Variants in GEMIN4 observed in about 807,000 individuals in gnomAD.
The protein encoded by GEMIN4 is gem-associated protein 4.
Under a neutral mutation model 76.8 loss-of-function variants are expected in GEMIN4, and 59 were observed. That is an observed-to-expected ratio of 0.77 (90% CI 0.62 to 0.95). The LOEUF (loss-of-function observed/expected upper bound fraction) is 0.95, where lower values mean the gene tolerates loss of function less well. GEMIN4 is among the 40% of genes least tolerant of loss of function. The pLI is 0.00. For synonymous variants in GEMIN4, 562 were observed against 559.7 expected (o/e 1.00, Z -0.06); for missense variants, 1,311 against 1,318.9 (o/e 0.99, Z 0.09).
In GEMIN4 at chr17:752,223, A is replaced by C. The variant is rs959485794; in HGVS notation, c.-81T>G. On this transcript the variant is annotated 5_prime_UTR_variant, in exon 1 of 2. Coordinates refer to ENST00000319004, the MANE Select transcript of GEMIN4 (RefSeq NM_015721.3). The stretch of plus-strand genomic sequence containing the variant: ...AACGCGGCGCGGGACGCACGGCACG[A>C]TGGGAGACGCAGGAGCCACGGCGGC... 1 of 1,229,306 alleles carries C rather than the reference A, an allele frequency of 8.1e-7. No homozygotes were observed. Among genetic ancestry groups the C allele is most frequent in the Non-Finnish European group, 1.0e-6 (1 of 985,840 alleles). The allele number at this position is 1,229,306 out of a possible 1,614,324, so 76.1% of individuals were successfully genotyped here. A position where few individuals can be genotyped will look rare whatever the true frequency, so the allele number is the denominator to read the frequency against.
Position 745,369 on chromosome 17 carries a change from C to G in GEMIN4, c.2674G>C (p.Glu892Gln). The change falls in exon 2 of 2, where the codon GAA becomes CAA. Residue 892 changes from glutamate to glutamine, a missense_variant. Glu to Gln is a conservative substitution (Grantham distance 29). Transcript: ENST00000319004. The surrounding 1 kb of genome is among the most constrained non-coding windows in gnomAD (Gnocchi z 4.6). ...AGCAGGGGAACAAACTGAATATATT[C>G]CAGGCTATAAGGGACATGGAGGAGC... ...KQLLHVPYSL[E>Q]YIQFVPLLNL... 3 of 1,613,132 alleles carry G rather than the reference C, an allele frequency of 1.9e-6. No individual in the cohort carries two copies. Among genetic ancestry groups the G allele is most frequent in the Non-Finnish European group, 2.5e-6 (3 of 1,179,878 alleles).
At position 747,845 on chromosome 17, in the gene GEMIN4, C is replaced by T. The variant is rs1266001443; in HGVS notation, c.198G>A (p.Lys66=). 1 of 1,613,796 alleles carries T rather than the reference C, an allele frequency of 6.2e-7. No homozygotes were observed. Among genetic ancestry groups the T allele is most frequent in the Admixed American group, 1.7e-5 (1 of 59,988 alleles). The change falls in exon 2 of 2, where the codon AAG becomes AAA. Residue 66 remains lysine (K), a synonymous_variant. Coordinates refer to ENST00000319004, the MANE Select transcript of GEMIN4 (RefSeq NM_015721.3). ...AAAHSQPFAW[K]KKALIIIWAK... ...CCCAGATGATGATCAGGGCTTTCTT[C>T]TTCCAGGCAAAGGGCTGGGAGTGTG...
Position 747,202 on chromosome 17 carries a change from G to T in GEMIN4, c.841C>A (p.Gln281Lys), listed in dbSNP as rs199856369. 1 of 1,612,944 alleles carries T rather than the reference G, an allele frequency of 6.2e-7. No homozygotes were observed. Among genetic ancestry groups the T allele is most frequent in the African/African-American group, 1.3e-5 (1 of 74,740 alleles). ...TVISVWNSDT[Q>K]NPYHQQALAE... ...AGCGCCTGCTGGTGGTAGGGATTCT[G>T]GGTGTCCGAGTTCCACACAGAGATC... The change falls in exon 2 of 2, where the codon CAG (glutamine) becomes AAG (lysine). Residue 281 changes from glutamine (Q) to lysine (K), a missense_variant. This residue lies in a region of GEMIN4 where 1,208 missense variants were observed against 1,166.9 expected (regional missense o/e 1.04). Transcript: ENST00000319004.
At chr17:749,945 C>G in intron 1 of GEMIN4, 1 of 986,840 alleles carries the variant, frequency 1.0e-6, no homozygotes, top group Non-Finnish European at 1.2e-6. Flanking sequence ...ACAGAAAATA[C>G]TGTGCTAGAT....
chr17:747,282 T>G lies in GEMIN4; in HGVS notation c.761A>C (p.Glu254Ala). Residue 254 changes from glutamate to alanine, a missense_variant, in exon 2 of 2, where the codon GAG becomes GCG. Glu to Ala is a moderately radical substitution (Grantham distance 107). Transcript: ENST00000319004. ...ADMLTVFALT[E>A]DDPQEVSATV... ...TGCAGACACCTCCTGGGGGTCGTCC[T>G]CTGTCAGCGCAAACACAGTCAGCAT... 1 of 1,613,804 alleles carries G rather than the reference T, an allele frequency of 6.2e-7. No homozygotes were observed. The highest frequency in any genetic ancestry group is 1.1e-5 in the South Asian group (1 of 91,084).
chr17:748,088 C>T (rs755974358), intron 1 of GEMIN4, 56 bp from the exon 2 acceptor site: 123 of 1,338,902 alleles, frequency 9.2e-5, no homozygotes, highest in Non-Finnish European at 1.2e-4. Flanking sequence ...CAGATGGCCA[C>T]TGCTGTTAGT....
rs1296062839 is a variant in GEMIN4, at chr17:747,656, C to A, written c.387G>T (p.Leu129=). 2.5e-6 allele frequency: 4 copies of A among 1,613,912 alleles called. No homozygotes were observed. Among genetic ancestry groups the A allele is most frequent in the Non-Finnish European group, 3.4e-6 (4 of 1,179,862 alleles). Residue 129 remains leucine, a synonymous_variant, in exon 2 of 2, where the codon CTG becomes CTT. Transcript: ENST00000319004. Reference sequence around the variant, plus strand: ...GGCAGATGGTGGTGGGCAGGGCCATCAGGAGCTGGATAAAGAGTCCAGAAG... The same window carrying A: ...GGCAGATGGTGGTGGGCAGGGCCATAAGGAGCTGGATAAAGAGTCCAGAAG... ...LEASGLFIQL[L]MALPTTICHA...
chr17:752,685 T>G (rs1904816893), upstream of GEMIN4: 1 of 985,218 alleles, frequency 1.0e-6, no homozygotes, highest in East Asian at 9.3e-5. Context: ...TAGACGCTTT[T>G]TGACGGCTGG....
At position 745,129 on chromosome 17, in the gene GEMIN4, T is replaced by C; in HGVS notation, c.2914A>G (p.Thr972Ala). The C allele has an allele frequency of 6.2e-7, 1 of 1,609,290 alleles. No individual in the cohort carries two copies. Among genetic ancestry groups the C allele is most frequent in the Non-Finnish European group, 8.5e-7 (1 of 1,177,988 alleles). The change falls in exon 2 of 2, where the codon ACC becomes GCC. Residue 972 changes from threonine (T) to alanine (A), a missense_variant. Around this residue, in one of 2 missense-constraint regions of GEMIN4, gnomAD observed 1,208 missense variants for 1,166.9 expected, o/e 1.04. Coordinates refer to ENST00000319004, the MANE Select transcript of GEMIN4 (RefSeq NM_015721.3). This position sits in a 1 kb window ranked among gnomAD's most constrained non-coding sequence, Gnocchi z 4.6. ...PWVQGPEQDL[T>A]QEALFVYTQV... ...GTGTAAACAAACAGGGCTTCCTGGG[T>C]CAGGTCCTGCTCTGGTCCTTGAACC... is the stretch of plus-strand genomic sequence containing the variant.
chr17:749,273 A>G (rs1312705244), intron 1 of GEMIN4: 17 of 190,362 alleles, frequency 8.9e-5, no homozygotes, highest in East Asian at 6.1e-4. Flanking sequence ...CACAGCAGCA[A>G]TCACACGGCC....
chr17:747,375 AG>A lies in GEMIN4; in HGVS notation c.667del (p.Leu223Ter), dbSNP rs1029120839. 1 of 1,613,664 alleles carries A rather than the reference AG, an allele frequency of 6.2e-7. No individual in the cohort carries two copies. The highest frequency in any genetic ancestry group is 1.3e-5 in the African/African-American group (1 of 74,932). ...MPLLAMLLRG[L>X]TQIQSRILGP... ...CAGGATCCGACTCTGGATCTGTGTC[AG>A]CCCGCGGAGCAGCATGGCCAACAGG... On this transcript the variant is annotated frameshift_variant, in exon 2 of 2. Coordinates refer to ENST00000319004, the MANE Select transcript of GEMIN4 (RefSeq NM_015721.3). LOFTEE classifies it high-confidence loss of function.
intron 1 of GEMIN4, chr17:751,837 C>G: frequency 2.7e-6 from 1 of 365,508 alleles, no homozygotes; most frequent in Non-Finnish European, 4.9e-6. Flanking sequence ...GGAGGGAGCC[C>G]GTTTCCCAAA....
At chr17:748,868 A>T (rs371909180) in intron 1 of GEMIN4, 2,029 of 195,492 alleles carry the variant, frequency 0.01, 40 homozygotes, top group African/African-American at 0.048. Context: ...TAATGGGCAC[A>T]GAAGCAATCA....
At position 747,695 on chromosome 17, in the gene GEMIN4, G is replaced by C. The variant is rs778223944; in HGVS notation, c.348C>G (p.Leu116=). 6 of 1,613,884 alleles carry C rather than the reference G, an allele frequency of 3.7e-6. No individual in the cohort carries two copies. The highest frequency in any genetic ancestry group is 5.1e-6 in the Non-Finnish European group (6 of 1,179,866). The change falls in exon 2 of 2, where the codon CTC becomes CTG. Residue 116 remains leucine, a synonymous_variant. Coordinates refer to ENST00000319004, the MANE Select transcript of GEMIN4 (RefSeq NM_015721.3). ...AGAGTCCAGAAGCTTCCAGGGATTT[G>C]AGCAGCTCGAAGAGGATGGTGTGGT... ...TINHTILFEL[L]KSLEASGLFI...
In GEMIN4 at chr17:752,197, G is replaced by T. The variant is rs1034820408; in HGVS notation, c.-55C>A. On this transcript the variant is annotated 5_prime_UTR_variant, in exon 1 of 2. Coordinates refer to ENST00000319004, the MANE Select transcript of GEMIN4 (RefSeq NM_015721.3). ...AACGCCCCCTCCCCTCCGAGAACTC[G>T]AACGCGGCGCGGGACGCACGGCACG... is the stretch of plus-strand genomic sequence containing the variant. The T allele has an allele frequency of 1.1e-5, 14 of 1,231,616 alleles. No homozygotes were observed. In the African/African-American group the frequency reaches 1.9e-4, roughly 16 times the overall value. 76.3% of individuals were successfully genotyped at this position (1,231,616 alleles called of 1,614,324 possible).
Position 745,219 on chromosome 17 carries a change from G to C in GEMIN4, c.2824C>G (p.Leu942Val). 2.5e-6 allele frequency: 4 copies of C among 1,609,116 alleles called. No individual in the cohort carries two copies. Among genetic ancestry groups the C allele is most frequent in the Non-Finnish European group, 3.4e-6 (4 of 1,178,114 alleles). ...AGGCGGGTCAGACTGCCACAGAGGA[G>C]TTTGACCACGTGGTTCCAGCCTTCC... is the stretch of plus-strand genomic sequence containing the variant. The part of the protein sequence containing the change: ...PLEGWNHVVK[L>V]LCGSLTRLLD... Residue 942 changes from leucine (L) to valine (V), a missense_variant, in exon 2 of 2, where the codon CTC becomes GTC. Leu to Val is a conservative substitution (Grantham distance 32). This residue lies in a region of GEMIN4 where 1,208 missense variants were observed against 1,166.9 expected (regional missense o/e 1.04). Coordinates refer to ENST00000319004, the MANE Select transcript of GEMIN4 (RefSeq NM_015721.3). This position sits in a 1 kb window ranked among gnomAD's most constrained non-coding sequence, Gnocchi z 4.6.
rs1904529076 is a variant in GEMIN4, at chr17:749,528, T to C, written c.11-1496A>G. Among the ~76,000 whole-genome samples, 11 of 132,738 alleles carry C rather than the reference T, an allele frequency of 8.3e-5. No homozygotes were observed. The Admixed American group carries it at 8.7e-4, about 11-fold the overall frequency. The allele number at this position is 132,738 out of a possible 152,430, so 87.1% of individuals were successfully genotyped here. On this transcript the variant is annotated intron_variant, in intron 1 of 1. Transcript: ENST00000319004. ...GAGCAATCACACAGCCACAGGATAA[T>C]GGGCACAGCAGCAATCACACAGCCA...
At position 746,266 on chromosome 17, in the gene GEMIN4, C is replaced by T. The variant is rs759844591; in HGVS notation, c.1777G>A (p.Glu593Lys). 1.1e-5 allele frequency: 17 copies of T among 1,613,658 alleles called. No individual in the cohort carries two copies. The African/African-American group carries it at 2.0e-4, about 19-fold the overall frequency. Reference protein sequence around the residue: ...TAFPALRFVEEQGPNSSATFM... With the variant: ...TAFPALRFVEKQGPNSSATFM... ...GTGGCAGATGAATTGGGACCCTGCT[C>T]TTCCACAAACCTAAGGGCAGGGAAG... Residue 593 changes from glutamate to lysine, a missense_variant, in exon 2 of 2, where the codon GAG becomes AAG. Coordinates refer to ENST00000319004, the MANE Select transcript of GEMIN4 (RefSeq NM_015721.3). The surrounding 1 kb of genome is among the most constrained non-coding windows in gnomAD (Gnocchi z 4.3).
Position 747,208 on chromosome 17 carries a change from C to T in GEMIN4, c.835G>A (p.Asp279Asn). 6.2e-7 allele frequency: 1 copy of T among 1,613,792 alleles called. No individual in the cohort carries two copies. Among genetic ancestry groups the T allele is most frequent in the Non-Finnish European group, 8.5e-7 (1 of 1,179,870 alleles). The change falls in exon 2 of 2, where the codon GAC (aspartate) becomes AAC (asparagine). Residue 279 changes from aspartate (D) to asparagine (N), a missense_variant. By Grantham distance (23) the Asp-to-Asn change is conservative. Coordinates refer to ENST00000319004, the MANE Select transcript of GEMIN4 (RefSeq NM_015721.3). Reference protein sequence around the residue: ...LATVISVWNSDTQNPYHQQAL... With the variant: ...LATVISVWNSNTQNPYHQQAL... ...TGCTGGTGGTAGGGATTCTGGGTGT[C>T]CGAGTTCCACACAGAGATCACCGTG...
Sources: gnomAD v4.1 joint callset for allele counts (sites outside exome capture counted in the v4.1 genomes callset) on GRCh38, gnomAD v4.1.1 for gene constraint, gnomAD v4.1.1 regional missense constraint, Gnocchi (gnomAD v3.1) non-coding constraint, MANE v1.5 for transcripts, NCBI Gene and HGNC (gene_info 2026-07-23, HGNC 2026-07-21) for gene names.